Variants in MRC1 observed in about 807,000 individuals in gnomAD.
The protein encoded by MRC1 is macrophage mannose receptor 1.
MRC1 carries 62 observed loss-of-function variants against 102.9 expected under a neutral mutation model. The observed-to-expected ratio is 0.60, with a 90% CI of 0.49 to 0.74. The LOEUF (loss-of-function observed/expected upper bound fraction) is 0.74. Among genes scored for constraint, MRC1 ranks in the 30% least tolerant of loss-of-function variants. The probability of loss-of-function intolerance (pLI) is 0.00; values close to 1 mark genes in which losing one functional copy is unlikely to be tolerated. For missense variants in MRC1, 1,237 were observed against 862.8 expected, an observed-to-expected ratio of 1.43 and a Z score of -5.43; for synonymous variants, 457 against 298.4, an observed-to-expected ratio of 1.53 and a Z score of -5.48.
At chr10:17,908,296 G>C (rs1285274512) in intron 28 of MRC1, among the ~76,000 whole-genome samples, 2 of 152,192 alleles carry the variant, frequency 1.3e-5, no homozygotes, top group Non-Finnish European at 2.9e-5. Context: ...GTTTGTTTGA[G>C]ACAGAATCTT....
chr10:17,876,439 G>T (rs1426369971), intron 17 of MRC1, among the ~76,000 whole-genome samples: 1 of 151,938 alleles, frequency 6.6e-6, no homozygotes, highest in Non-Finnish European at 1.5e-5. Context: ...GTAGAGACAG[G>T]GTTTCACCAT....
intron 24 of MRC1, among the ~76,000 whole-genome samples, chr10:17,900,381 G>A (rs1037643674): frequency 1.3e-5 from 2 of 151,870 alleles, no homozygotes; most frequent in African/African-American, 4.8e-5. Flanking sequence ...TTTCTCTCAG[G>A]TGTCCATGAA....
At chr10:17,853,746 T>A (rs1833028546) in intron 8 of MRC1, among the ~76,000 whole-genome samples, 1 of 152,120 alleles carries the variant, frequency 6.6e-6, no homozygotes, top group South Asian at 2.1e-4. Context: ...TTTTTTCAGT[T>A]TACATGGAGC....
chr10:17,810,999 G>T (rs1838212674), intron 1 of MRC1, among the ~76,000 whole-genome samples: 1 of 152,024 alleles, frequency 6.6e-6, no homozygotes, highest in African/African-American at 2.4e-5. Context: ...CACCATGTTG[G>T]CCAGGCTGGC....
At position 17,827,705 on chromosome 10, in the gene MRC1, T is replaced by C. The variant is rs1838502002; in HGVS notation, c.627T>C (p.Cys209=). The C allele has an allele frequency of 1.3e-6, 1 of 780,788 alleles. No homozygotes were observed. Among genetic ancestry groups the C allele is most frequent in the African/African-American group, 1.7e-5 (1 of 59,142 alleles). The allele number at this position is 780,788 out of a possible 1,614,324, so 48.4% of individuals were successfully genotyped here. The part of the protein sequence containing the change: ...DYDTDKLFGY[C]PLKFEGSESL... ...ACACAGACAAGCTATTTGGATATTG[T>C]CCATTGAAATGTAAGTACTGTTTAT... Residue 209 remains cysteine, a synonymous_variant, in exon 3 of 30, where the codon TGT becomes TGC. Transcript: ENST00000569591.
intron 11 of MRC1, chr10:17,865,378 T>C (rs1445550540): frequency 6.6e-6 from 1 of 152,160 alleles, no homozygotes; most frequent in Non-Finnish European, 1.5e-5. Context: ...GTGCATACTT[T>C]AAAAACACAT....
chr10:17,827,444 G>GAAGAGT (rs199970683), intron 2 of MRC1, 98 bp from the exon 3 acceptor site: 39,617 of 531,434 alleles, frequency 0.075, 3,320 homozygotes, highest in African/African-American at 0.18. Context: ...AGTGTAATCA[G>GAAGAGT]AACAGTAAGA....
At chr10:17,878,106 A>T in intron 18 of MRC1, 139 bp downstream of exon 18, 1 of 629,712 alleles carries the variant, frequency 1.6e-6, no homozygotes, top group Non-Finnish European at 2.9e-6. Flanking sequence ...AACTTGAAAA[A>T]AGGAATTTAA....
At chr10:17,863,989 A>G (rs1365946550) in intron 11 of MRC1, among the ~76,000 whole-genome samples, 1 of 152,016 alleles carries the variant, frequency 6.6e-6, no homozygotes, top group Non-Finnish European at 1.5e-5. Flanking sequence ...AAAGGTTTCA[A>G]ATGGTTGACT....
chr10:17,817,596 G>C (rs927268218), intron 1 of MRC1, among the ~76,000 whole-genome samples: 5 of 152,126 alleles, frequency 3.3e-5, no homozygotes, highest in Non-Finnish European at 5.9e-5. Context: ...AAATTAGTAA[G>C]ATCAAGTTAG....
intron 8 of MRC1, among the ~76,000 whole-genome samples, chr10:17,853,572 ATGTG>A (rs782100594): frequency 3.5e-4 from 52 of 146,830 alleles, no homozygotes; most frequent in African/African-American, 9.4e-4. Flanking sequence ...ATATATATGT[ATGTG>A]TGTGTGTGTG....
intron 22 of MRC1, among the ~76,000 whole-genome samples, chr10:17,889,266 T>A (rs1342584957): frequency 6.6e-6 from 1 of 152,252 alleles, no homozygotes; most frequent in South Asian, 2.1e-4. Context: ...TGGGTTAACA[T>A]CTATCATATT....
At chr10:17,833,125 T>C (rs1348770075) in intron 3 of MRC1, among the ~76,000 whole-genome samples, 1 of 152,068 alleles carries the variant, frequency 6.6e-6, no homozygotes, top group East Asian at 1.9e-4. Flanking sequence ...TTTCTTTCTT[T>C]AGGCATGTGG....
chr10:17,834,484 C>T (rs1554839319), intron 4 of MRC1, among the ~76,000 whole-genome samples: 1 of 152,196 alleles, frequency 6.6e-6, no homozygotes, highest in East Asian at 1.9e-4. Context: ...GCAATCTCAG[C>T]TCACTGTAAC....
intron 2 of MRC1, among the ~76,000 whole-genome samples, chr10:17,825,013 A>G (rs943349954): frequency 3.9e-5 from 6 of 152,200 alleles, no homozygotes; most frequent in Non-Finnish European, 7.4e-5. Context: ...AATCTATTCA[A>G]TGATTTCTAT....
At chr10:17,846,390 G>T (rs1305067015) in intron 6 of MRC1, among the ~76,000 whole-genome samples, 1 of 152,070 alleles carries the variant, frequency 6.6e-6, no homozygotes, top group Non-Finnish European at 1.5e-5. Context: ...GCTTTAAATG[G>T]TTTAATTTAT....
At chr10:17,907,820 G>A (rs190816011) in intron 28 of MRC1, 122 bp downstream of exon 28, 11,638 of 718,450 alleles carry the variant, frequency 0.016, 126 homozygotes, top group Non-Finnish European at 0.023. Flanking sequence ...CCTTTCATCC[G>A]TGAAAAATCC....
At chr10:17,831,943 GA>G (rs2130609116) in intron 3 of MRC1, among the ~76,000 whole-genome samples, 1 of 151,756 alleles carries the variant, frequency 6.6e-6, no homozygotes, top group South Asian at 2.1e-4. Flanking sequence ...ATCAGCTTGT[GA>G]TTTTTTACTC....
intron 21 of MRC1, among the ~76,000 whole-genome samples, chr10:17,882,921 G>T (rs1833539137): frequency 6.6e-6 from 1 of 152,174 alleles, no homozygotes; most frequent in Non-Finnish European, 1.5e-5. Context: ...TAATAGAGAT[G>T]TGCAGAAGGA....
Sources: gnomAD v4.1 joint callset for allele counts (sites outside exome capture counted in the v4.1 genomes callset) on GRCh38, gnomAD v4.1.1 for gene constraint, MANE v1.5 for transcripts, NCBI Gene and HGNC (gene_info 2026-07-23, HGNC 2026-07-21) for gene names.